The following TRHDE variants were observed in gnomAD, a reference collection of about 807,000 sequenced individuals.
TRHDE encodes thyrotropin releasing hormone degrading enzyme.
TRHDE carries 72 observed loss-of-function variants against 125.7 expected under a neutral mutation model. The observed-to-expected ratio is 0.57, with a 90% CI of 0.47 to 0.70. The LOEUF is 0.70. Ranked by LOEUF, TRHDE falls within the 30% of genes least tolerant of loss-of-function variation. The pLI, the probability that TRHDE is intolerant of heterozygous loss-of-function variation, is 0.00. For missense variants in TRHDE, 1,110 were observed against 1,327.1 expected (o/e 0.84, Z 2.54); for synonymous variants, 509 against 509.1 (o/e 1.00, Z 0.00).
In TRHDE at chr12:72,191,911, A is replaced by G. The variant is rs557164313; in HGVS notation, n.279+86159A>G. Among the ~76,000 whole-genome samples, 27 of 152,308 alleles carry G rather than the reference A, an allele frequency of 1.8e-4. 1 individual carries two copies. The South Asian group carries it at 4.6e-3, about 26-fold the overall frequency. On this transcript the variant is annotated intron_variant and non_coding_transcript_variant, in intron 2 of 4. Transcript: ENST00000548156. ...CAGAATCCTCCCACTGAAGTTGAGC[A>G]GTAGTATAAACATAAGTAAAAGCTG...
chr12:72,348,393 C>T (rs900517617), intron 2 of TRHDE, among the ~76,000 whole-genome samples: 1 of 151,914 alleles, frequency 6.6e-6, no homozygotes, highest in Non-Finnish European at 1.5e-5. Flanking sequence ...GGCAGTTAAT[C>T]GCTTTGATCC....
intron 6 of TRHDE, 33 bp downstream of exon 6, chr12:72,499,668 T>C: frequency 6.2e-7 from 1 of 1,606,748 alleles, no homozygotes; most frequent in Non-Finnish European, 8.5e-7. Context: ...CAATTAGATA[T>C]TTCATTACCA....
intron 12 of TRHDE, among the ~76,000 whole-genome samples, chr12:72,606,620 A>T (rs1872456275): frequency 6.6e-6 from 1 of 152,210 alleles, no homozygotes. Flanking sequence ...ATTCTTAAGC[A>T]TATGCCATAG....
In TRHDE at chr12:72,206,086, A is replaced by ATTT. The variant is rs34424314; in HGVS notation, n.279+100350_279+100352dup. 1.3e-4 allele frequency among the ~76,000 whole-genome samples: 18 copies of ATTT among 135,566 alleles called. No homozygotes were observed. The South Asian group carries it at 2.2e-3, about 16-fold the overall frequency. The allele number at this position is 135,566 out of a possible 152,430, so 88.9% of individuals were successfully genotyped here. A position where few individuals can be genotyped will look rare whatever the true frequency, so the allele number is the denominator to read the frequency against. Reference sequence around the variant, plus strand: ...GATATCTTATTATGCCAAAGGACAGATTTTTTTTTTTTTTTTTTGAGATGG... The same window carrying ATTT: ...GATATCTTATTATGCCAAAGGACAGATTTTTTTTTTTTTTTTTTTTTGAGATGG... On this transcript the variant is annotated intron_variant and non_coding_transcript_variant, in intron 2 of 4. Transcript: ENST00000548156.
chr12:72,131,291 C>T (rs1875858918), intron 2 of TRHDE, among the ~76,000 whole-genome samples: 1 of 151,854 alleles, frequency 6.6e-6, no homozygotes, highest in Non-Finnish European at 1.5e-5. Context: ...CCAGGATGGT[C>T]TCCATCTCCT....
intron 5 of TRHDE, among the ~76,000 whole-genome samples, chr12:72,489,843 T>A (rs1877580575): frequency 6.6e-6 from 1 of 151,756 alleles, no homozygotes; most frequent in Non-Finnish European, 1.5e-5. Context: ...AGAAATCAAC[T>A]CAAAATGGGT....
intron 2 of TRHDE, among the ~76,000 whole-genome samples, chr12:72,211,576 T>G (rs1448536135): frequency 6.6e-6 from 1 of 152,196 alleles, no homozygotes; most frequent in East Asian, 1.9e-4. Flanking sequence ...GAGGTGTTGA[T>G]AATACATATT....
intron 7 of TRHDE, among the ~76,000 whole-genome samples, chr12:72,556,962 G>A (rs1325962675): frequency 6.6e-6 from 1 of 152,148 alleles, no homozygotes; most frequent in Non-Finnish European, 1.5e-5. Context: ...ACTATTGGTG[G>A]TGGTCTCCCT....
At position 72,246,633 on chromosome 12, in the gene TRHDE, C is replaced by T. The variant is rs576129113; in HGVS notation, n.280-131362C>T. On this transcript the variant is annotated intron_variant and non_coding_transcript_variant, in intron 2 of 4. Coordinates refer to the TRHDE transcript ENST00000548156. ...AGCTCGATATTGCTTCTGGCAAGGACACAAACTGAGGACACTCCCTGAAGG... is the reference window on the plus strand; with the variant it reads ...AGCTCGATATTGCTTCTGGCAAGGATACAAACTGAGGACACTCCCTGAAGG... Among the ~76,000 whole-genome samples the T allele has an allele frequency of 1.8e-4, 28 of 152,330 alleles. No individual in the cohort carries two copies. In the East Asian group the frequency reaches 5.0e-3, roughly 27 times the overall value.
At chr12:72,556,079 A>G (rs1165703259) in intron 7 of TRHDE, among the ~76,000 whole-genome samples, 1 of 152,216 alleles carries the variant, frequency 6.6e-6, no homozygotes, top group Non-Finnish European at 1.5e-5. Context: ...TAAAAATTAA[A>G]TATACATGTC....
chr12:72,563,796 G>T (rs1261892692), intron 9 of TRHDE, among the ~76,000 whole-genome samples: 1 of 151,400 alleles, frequency 6.6e-6, no homozygotes, highest in Non-Finnish European at 1.5e-5. Flanking sequence ...TCCAGTGAGG[G>T]CTGGGGGCGG....
At chr12:72,353,937 G>T (rs1870699582) in intron 2 of TRHDE, among the ~76,000 whole-genome samples, 1 of 151,530 alleles carries the variant, frequency 6.6e-6, no homozygotes, top group Non-Finnish European at 1.5e-5. Flanking sequence ...TTGGGCATGT[G>T]GCAGAGAGAA....
chr12:72,375,957 G>A (rs921033468), intron 2 of TRHDE, among the ~76,000 whole-genome samples: 4 of 152,138 alleles, frequency 2.6e-5, no homozygotes, highest in East Asian at 1.9e-4. Flanking sequence ...TGGTATGCAC[G>A]TCTTCTAGCT....
intron 6 of TRHDE, among the ~76,000 whole-genome samples, chr12:72,505,838 GA>G (rs1878333766): frequency 6.6e-6 from 1 of 152,030 alleles, no homozygotes; most frequent in Non-Finnish European, 1.5e-5. Flanking sequence ...AAATGAATAG[GA>G]AAGGCCAATC....
intron 6 of TRHDE, among the ~76,000 whole-genome samples, chr12:72,522,690 A>G (rs1157553763): frequency 6.6e-6 from 1 of 152,182 alleles, no homozygotes; most frequent in Non-Finnish European, 1.5e-5. Context: ...TCTGAAAAAT[A>G]CTGGAGAATA....
chr12:72,424,713 C>T (rs946104801), intron 3 of TRHDE, among the ~76,000 whole-genome samples: 3 of 152,142 alleles, frequency 2.0e-5, no homozygotes, highest in Non-Finnish European at 4.4e-5. Context: ...AATAAACTTT[C>T]ATCACTATTC....
chr12:72,220,086 C>G (rs567058945), intron 2 of TRHDE, among the ~76,000 whole-genome samples: 8 of 152,142 alleles, frequency 5.3e-5, no homozygotes, highest in Admixed American at 1.3e-4. Flanking sequence ...ACTTTCAGAC[C>G]AGTTTAGGGT....
intron 2 of TRHDE, among the ~76,000 whole-genome samples, chr12:72,328,046 C>T (rs144664963): frequency 5.3e-5 from 8 of 152,204 alleles, no homozygotes; most frequent in African/African-American, 1.2e-4. Context: ...AAATGGCCCA[C>T]GAGTATCATC....
chr12:72,271,746 C>G, upstream of TRHDE: 1 of 378,040 alleles, frequency 2.6e-6, no homozygotes, highest in South Asian at 1.9e-5. Context: ...CACGCGCACA[C>G]ACATGCACAC....
Sources: allele counts gnomAD v4.1 joint callset (sites outside exome capture counted in the v4.1 genomes callset), GRCh38; gene constraint gnomAD v4.1.1; transcripts MANE v1.5; gene names NCBI Gene and HGNC (gene_info 2026-07-23, HGNC 2026-07-21).